Variants in BCAS3 observed in about 807,000 individuals in gnomAD.
BCAS3 encodes BCAS3 microtubule associated cell migration factor.
A neutral mutation model predicts 116.1 loss-of-function variants in BCAS3; 53 were observed. The ratio of observed to expected loss-of-function variants is 0.46; its 90% CI spans 0.37 to 0.57. BCAS3 has a LOEUF of 0.57. Ranked by LOEUF, BCAS3 falls within the 20% of genes least tolerant of loss-of-function variation. BCAS3 has a pLI of 0.00. For missense variants in BCAS3, 917 were observed against 1,165.4 expected (o/e 0.79, Z 3.10); for synonymous variants, 391 against 408.2 (o/e 0.96, Z 0.51).
At chr17:61,260,295 T>C (rs2049090420) in intron 22 of BCAS3, among the ~76,000 whole-genome samples, 2 of 152,250 alleles carry the variant, frequency 1.3e-5, no homozygotes, top group South Asian at 4.1e-4. Context: ...AGTTCCACAG[T>C]TTTATGAGAA....
intron 15 of BCAS3, among the ~76,000 whole-genome samples, chr17:61,000,055 T>C (rs1050799862): frequency 6.6e-6 from 1 of 152,216 alleles, no homozygotes; most frequent in African/African-American, 2.4e-5. Context: ...TTTCTAGGTA[T>C]AGAATCATAT....
rs2076923884 is a variant in BCAS3, at chr17:61,141,687, G to A, written c.2425+57123G>A. Reference sequence around the variant, plus strand: ...AGAGGCTGAGGTGGGCGGATCACGAGGTCAAGAGATCAAGACCATCCCGGC... The same window carrying A: ...AGAGGCTGAGGTGGGCGGATCACGAAGTCAAGAGATCAAGACCATCCCGGC... On this transcript the variant is annotated intron_variant, in intron 22 of 23. Transcript: ENST00000407086. The surrounding 1 kb of genome is among the most constrained non-coding windows in gnomAD (Gnocchi z 4.3). 6.6e-6 allele frequency among the ~76,000 whole-genome samples: 1 copy of A among 152,120 alleles called. No individual in the cohort carries two copies. Among genetic ancestry groups the A allele is most frequent in the Non-Finnish European group, 1.5e-5 (1 of 68,024 alleles).
intron 19 of BCAS3, among the ~76,000 whole-genome samples, chr17:61,069,344 G>A (rs992096445): frequency 2.6e-5 from 4 of 152,174 alleles, no homozygotes; most frequent in Admixed American, 1.3e-4. Context: ...TGGTGCAACT[G>A]AGCCAATGAA....
chr17:61,192,225 G>A (rs541132902), intron 22 of BCAS3, among the ~76,000 whole-genome samples: 31 of 102,106 alleles, frequency 3.0e-4, no homozygotes, highest in African/African-American at 9.8e-4. Context: ...CAGCCTGGGC[G>A]ACAGAGCAAG....
In BCAS3 at chr17:61,390,486, C is replaced by T. The variant is rs1000036641; in HGVS notation, c.2594-1491C>T. The T allele has an allele frequency of 8.5e-5, 13 of 152,236 alleles. No homozygotes were observed. Among genetic ancestry groups the T allele is most frequent in the African/African-American group, 3.1e-4 (13 of 41,382 alleles). 9.4% of individuals were successfully genotyped at this position (152,236 alleles called of 1,614,324 possible). A position where few individuals can be genotyped will look rare whatever the true frequency, so the allele number is the denominator to read the frequency against. Reference sequence around the variant, plus strand: ...CATCCCCCTACTTTCCCCAATTTGCCAAGAAGCCCTGGTGTCCCAGTGAAC... The same window carrying T: ...CATCCCCCTACTTTCCCCAATTTGCTAAGAAGCCCTGGTGTCCCAGTGAAC... On this transcript the variant is annotated intron_variant, in intron 23 of 23. Coordinates refer to ENST00000407086, the MANE Select transcript of BCAS3 (RefSeq NM_017679.5). This position sits in a 1 kb window ranked among gnomAD's most constrained non-coding sequence, Gnocchi z 6.8.
chr17:61,010,701 G>A (rs2065053792), intron 15 of BCAS3, among the ~76,000 whole-genome samples: 1 of 151,924 alleles, frequency 6.6e-6, no homozygotes, highest in Admixed American at 6.6e-5. Context: ...AAATAATTTT[G>A]TATCCCCAAA....
intron 14 of BCAS3, among the ~76,000 whole-genome samples, chr17:60,972,259 T>C (rs768862027): frequency 2.4e-4 from 37 of 152,094 alleles, no homozygotes; most frequent in Non-Finnish European, 4.6e-4. Context: ...GGTCCCACCA[T>C]TTTATATCCC....
At chr17:61,002,507 G>A (rs994629651) in intron 15 of BCAS3, 8 of 152,090 alleles carry the variant, frequency 5.3e-5, no homozygotes, top group Admixed American at 5.2e-4. Flanking sequence ...GCATGAACCT[G>A]AGGTACTAGG....
intron 22 of BCAS3, among the ~76,000 whole-genome samples, chr17:61,201,803 G>T (rs556864492): frequency 6.7e-6 from 1 of 149,044 alleles, no homozygotes; most frequent in South Asian, 2.1e-4. Context: ...CTGTCGCCCA[G>T]GCTGCAGTGC....
Position 61,090,449 on chromosome 17 carries a change from C to T in BCAS3, c.2425+5885C>T, listed in dbSNP as rs150952627. On this transcript the variant is annotated intron_variant, in intron 22 of 23. Coordinates refer to ENST00000407086, the MANE Select transcript of BCAS3 (RefSeq NM_017679.5). ...TCAGAGGGGAAAAAATATTCAAACTCAAATATTAAGATTGGCTTTTATATT... is the reference window on the plus strand; with the variant it reads ...TCAGAGGGGAAAAAATATTCAAACTTAAATATTAAGATTGGCTTTTATATT... 6.8e-3 allele frequency among the ~76,000 whole-genome samples: 1,029 copies of T among 152,200 alleles called. 5 individuals carry two copies. The highest frequency in any genetic ancestry group is 0.01 in the Non-Finnish European group (684 of 68,004).
At chr17:61,173,992 T>C (rs1160254523) in intron 22 of BCAS3, among the ~76,000 whole-genome samples, 1 of 152,226 alleles carries the variant, frequency 6.6e-6, no homozygotes, top group Non-Finnish European at 1.5e-5. Flanking sequence ...AATCCATTTT[T>C]AAAAATGGAA....
Position 60,718,267 on chromosome 17 carries a change from G to GT in BCAS3, c.321+8951dup, listed in dbSNP as rs202069761. On this transcript the variant is annotated intron_variant, in intron 5 of 23. Transcript: ENST00000407086. ...ATTTTACTATACTTTTTTTTTTCCA[G>GT]TTTTTTTTTCAGGCAACCCTCAGAA... Among the ~76,000 whole-genome samples the GT allele has an allele frequency of 3.1e-4, 46 of 150,312 alleles. 1 individual carries two copies. In the Middle Eastern group the frequency reaches 0.017, roughly 56 times the overall value.
In BCAS3 at chr17:61,368,180, C is replaced by A; in HGVS notation, c.2426-147C>A. ...AGCGGCATGAGCTATTTCTCCTGCG[C>A]TACCCAGTCTGTTGGCGGCGTGCTT... On this transcript the variant is annotated intron_variant, in intron 22 of 23. Coordinates refer to ENST00000407086, the MANE Select transcript of BCAS3 (RefSeq NM_017679.5). This position sits in a 1 kb window ranked among gnomAD's most constrained non-coding sequence, Gnocchi z 6.0. The A allele has an allele frequency of 1.3e-6, 1 of 773,362 alleles. No individual in the cohort carries two copies. The allele number at this position is 773,362 out of a possible 1,614,324, so 47.9% of individuals were successfully genotyped here.
rs987178747 is a variant in BCAS3 at position 61,315,703 on chromosome 17, C to T, written c.2426-52624C>T. Among the ~76,000 whole-genome samples the T allele has an allele frequency of 2.0e-5, 3 of 152,178 alleles. No individual in the cohort carries two copies. The highest frequency in any genetic ancestry group is 6.5e-5 in the Admixed American group (1 of 15,280). On this transcript the variant is annotated intron_variant, in intron 22 of 23. Transcript: ENST00000407086. The surrounding 1 kb of genome is among the most constrained non-coding windows in gnomAD (Gnocchi z 5.3). ...AATGTGACCAGGCTGACTGACCCCC[C>T]GTTTCATGCCCCACGCCTTTGCTGG...
chr17:61,083,597 C>CTTT lies in BCAS3; in HGVS notation c.2328-856_2328-854dup, dbSNP rs778684833. On this transcript the variant is annotated intron_variant, in intron 21 of 23. Coordinates refer to ENST00000407086, the MANE Select transcript of BCAS3 (RefSeq NM_017679.5). The surrounding 1 kb of genome is among the most constrained non-coding windows in gnomAD (Gnocchi z 4.9). ...ATTTGGCATTTATATGTTTATTATTCTTTTTTTTTTTTTTTTGAGACGGAG... is the reference window on the plus strand; with the variant it reads ...ATTTGGCATTTATATGTTTATTATTCTTTTTTTTTTTTTTTTTTTGAGACGGAG... 7.3e-6 allele frequency among the ~76,000 whole-genome samples: 1 copy of CTTT among 136,700 alleles called. No homozygotes were observed. Among genetic ancestry groups the CTTT allele is most frequent in the African/African-American group, 2.7e-5 (1 of 36,626 alleles). The allele number at this position is 136,700 out of a possible 152,430, so 89.7% of individuals were successfully genotyped here.
chr17:60,958,858 G>T (rs1426594913), intron 14 of BCAS3, among the ~76,000 whole-genome samples: 1 of 152,144 alleles, frequency 6.6e-6, no homozygotes, highest in Non-Finnish European at 1.5e-5. Context: ...ACTTATTTTT[G>T]ACAAAGGTGC....
chr17:61,209,925 G>T (rs890741182), intron 22 of BCAS3, among the ~76,000 whole-genome samples: 1 of 152,136 alleles, frequency 6.6e-6, no homozygotes, highest in Non-Finnish European at 1.5e-5. Context: ...TCTGTTTCCT[G>T]TCCATTTATG....
intron 22 of BCAS3, among the ~76,000 whole-genome samples, chr17:61,299,549 C>A (rs954360022): frequency 6.6e-6 from 1 of 151,396 alleles, no homozygotes; most frequent in Admixed American, 6.6e-5. Context: ...CATTTCATAG[C>A]ATTCTTTAGA....
intron 22 of BCAS3, among the ~76,000 whole-genome samples, chr17:61,187,593 C>T (rs1409573923): frequency 6.6e-6 from 1 of 152,194 alleles, no homozygotes; most frequent in African/African-American, 2.4e-5. Context: ...AAAATGTTGG[C>T]AACCATGTAT....
Sources: allele counts gnomAD v4.1 joint callset (sites outside exome capture counted in the v4.1 genomes callset), GRCh38; gene constraint gnomAD v4.1.1; non-coding constraint Gnocchi (gnomAD v3.1); transcripts MANE v1.5; gene names NCBI Gene and HGNC (gene_info 2026-07-23, HGNC 2026-07-21).